Variants in NRG1 observed in about 807,000 individuals in gnomAD.
The protein encoded by NRG1 is pro-neuregulin-1, membrane-bound isoform.
In NRG1, 18 loss-of-function variants were observed where a neutral mutation model predicts 63.8. The ratio of observed to expected loss-of-function variants is 0.28; its 90% confidence interval spans 0.19 to 0.42. NRG1 has a LOEUF of 0.42. NRG1 is among the 10% of genes least tolerant of loss of function. NRG1 has a pLI of 1.00. For missense variants in NRG1, 762 were observed against 814.7 expected (o/e 0.94, Z 0.79); for synonymous variants, 302 against 301.3 (o/e 1.00, Z -0.02).
intron 1 of NRG1, among the ~76,000 whole-genome samples, chr8:32,150,236 C>T (rs1316667792): frequency 6.6e-6 from 1 of 152,094 alleles, no homozygotes; most frequent in East Asian, 1.9e-4. Flanking sequence ...TGATAAATGC[C>T]ACAATTTAGT....
intron 1 of NRG1, among the ~76,000 whole-genome samples, chr8:32,299,443 C>T (rs1030201814): frequency 6.6e-6 from 1 of 152,064 alleles, no homozygotes; most frequent in Non-Finnish European, 1.5e-5. Flanking sequence ...TAGAAAGTAA[C>T]CTCAAAAGTA....
intron 1 of NRG1, chr8:32,171,245 A>C: frequency 6.6e-6 from 1 of 152,128 alleles, no homozygotes; most frequent in East Asian, 1.9e-4. Flanking sequence ...TATATTTTTA[A>C]TTTTAAGTTC....
chr8:31,911,925 C>T (rs1047949383), intron 1 of NRG1, among the ~76,000 whole-genome samples: 1 of 152,168 alleles, frequency 6.6e-6, no homozygotes, highest in Non-Finnish European at 1.5e-5. Context: ...GAGCATTGAA[C>T]TAAGAATCAG....
chr8:32,071,203 G>C (rs1172847874), intron 1 of NRG1, among the ~76,000 whole-genome samples: 1 of 152,148 alleles, frequency 6.6e-6, no homozygotes, highest in Admixed American at 6.5e-5. Context: ...ATTCTTATCT[G>C]TTGTGTGTTC....
intron 1 of NRG1, among the ~76,000 whole-genome samples, chr8:32,447,567 C>G (rs1465809824): frequency 1.3e-5 from 2 of 151,984 alleles, no homozygotes; most frequent in Admixed American, 6.6e-5. Flanking sequence ...TTAATTGTTG[C>G]TTAAAGGAAA....
chr8:32,470,789 C>T (rs1823745251), intron 1 of NRG1, among the ~76,000 whole-genome samples: 1 of 151,860 alleles, frequency 6.6e-6, no homozygotes, highest in Admixed American at 6.6e-5. Context: ...CGTCTCCCTA[C>T]CCTCGTTGGG....
At chr8:31,659,257 C>T (rs949780704) in intron 1 of NRG1, among the ~76,000 whole-genome samples, 2 of 151,892 alleles carry the variant, frequency 1.3e-5, no homozygotes, top group African/African-American at 2.4e-5. Context: ...AGGCACTGAG[C>T]GGAAACAAGA....
chr8:32,366,259 C>G lies in NRG1; in HGVS notation c.38-229569C>G, dbSNP rs188658050. ...TATACAATGTATTGTTAACTGTAGT[C>G]ACCCTACTGTGCTATTGAATACTAG... On this transcript the variant is annotated intron_variant, in intron 1 of 10. Coordinates refer to the NRG1 transcript ENST00000519301. 3.3e-3 allele frequency among the ~76,000 whole-genome samples: 502 copies of G among 152,160 alleles called. 2 individuals carry two copies. The highest frequency in any genetic ancestry group is 6.0e-3 in the Non-Finnish European group (405 of 68,020).
In NRG1 at chr8:31,640,817, G is replaced by A. The variant is rs889463310; in HGVS notation, c.37+1386G>A. On this transcript the variant is annotated intron_variant, in intron 1 of 10. Transcript: ENST00000519301. The surrounding 1 kb of genome is among the most constrained non-coding windows in gnomAD (Gnocchi z 6.3). ...GCAGCGGGGCTCGACGGCCGCCCGA[G>A]CAAGGCAGAGGCGCTCTGGGTCCCA... 6 of 1,428,426 alleles carry A rather than the reference G, an allele frequency of 4.2e-6. No individual in the cohort carries two copies. In the African/African-American group the frequency reaches 7.4e-5, roughly 18 times the overall value. The allele number at this position is 1,428,426 out of a possible 1,614,324, so 88.5% of individuals were successfully genotyped here.
chr8:32,177,578 G>A (rs952791258), intron 1 of NRG1, among the ~76,000 whole-genome samples: 2 of 151,870 alleles, frequency 1.3e-5, no homozygotes, highest in African/African-American at 4.8e-5. Flanking sequence ...GATGTGTAAT[G>A]TTCCCCTCGC....
At chr8:31,781,521 A>G (rs1662981163) in intron 1 of NRG1, among the ~76,000 whole-genome samples, 1 of 152,214 alleles carries the variant, frequency 6.6e-6, no homozygotes. Context: ...TACATATAAT[A>G]TTAAGGAGAT....
intron 1 of NRG1, among the ~76,000 whole-genome samples, chr8:32,457,924 T>G (rs1232601765): frequency 6.6e-6 from 1 of 152,108 alleles, no homozygotes; most frequent in African/African-American, 2.4e-5. Flanking sequence ...AACTTTTTTT[T>G]TTTTGTTTTT....
chr8:32,299,025 CAAAAAAAA>C (rs34799826), intron 1 of NRG1, among the ~76,000 whole-genome samples: 2 of 59,574 alleles, frequency 3.4e-5, no homozygotes, highest in African/African-American at 5.9e-5. Flanking sequence ...GACTCTATCT[CAAAAAAAA>C]AAAAAAAAAA....
At chr8:31,875,122 G>C (rs1450383186) in intron 1 of NRG1, among the ~76,000 whole-genome samples, 1 of 152,112 alleles carries the variant, frequency 6.6e-6, no homozygotes, top group Non-Finnish European at 1.5e-5. Context: ...GGAGAGCCTA[G>C]TGTAGAGGGA....
intron 6 of NRG1, among the ~76,000 whole-genome samples, chr8:32,732,015 T>A (rs1823797955): frequency 6.6e-6 from 1 of 152,218 alleles, no homozygotes; most frequent in Admixed American, 6.5e-5. Flanking sequence ...ACAGCAAATC[T>A]CTTTTGTCTC....
intron 1 of NRG1, among the ~76,000 whole-genome samples, chr8:31,798,001 G>C (rs575104708): frequency 6.6e-5 from 10 of 152,250 alleles, no homozygotes; most frequent in African/African-American, 2.4e-4. Context: ...TAGTAGTAGA[G>C]AGTAGAATTG....
intron 1 of NRG1, among the ~76,000 whole-genome samples, chr8:32,034,794 A>G (rs1298697022): frequency 6.6e-6 from 1 of 152,046 alleles, no homozygotes; most frequent in East Asian, 1.9e-4. Context: ...CAGTGGTGAT[A>G]TCCCTTTATC....
At position 31,996,454 on chromosome 8, in the gene NRG1, G is replaced by A. The variant is rs527970740; in HGVS notation, c.37+357023G>A. Among the ~76,000 whole-genome samples, 16 of 152,034 alleles carry A rather than the reference G, an allele frequency of 1.1e-4. 1 individual carries two copies. The highest frequency in any genetic ancestry group is 2.6e-4 in the African/African-American group (11 of 41,516). ...ACTGACTTACTGGAAATCCCAGGCC[G>A]GGCACGGAGGTTCATTCCTGTAATC... On this transcript the variant is annotated intron_variant, in intron 1 of 10. Transcript: ENST00000519301.
intron 1 of NRG1, among the ~76,000 whole-genome samples, chr8:32,032,241 A>G (rs530802806): frequency 6.6e-6 from 1 of 152,026 alleles, no homozygotes; most frequent in African/African-American, 2.4e-5. Context: ...TAGCTGCATG[A>G]ATGTCTTCTT....
Sources: allele counts gnomAD v4.1 joint callset (sites outside exome capture counted in the v4.1 genomes callset), GRCh38; gene constraint gnomAD v4.1.1; non-coding constraint Gnocchi (gnomAD v3.1); transcripts MANE v1.5; gene names NCBI Gene and HGNC (gene_info 2026-07-23, HGNC 2026-07-21).